The following OTOF variants were observed in gnomAD, a reference collection of about 807,000 sequenced individuals.
OTOF encodes the protein otoferlin.
In OTOF, 218 loss-of-function variants were observed where a neutral mutation model predicts 236.8. The ratio of observed to expected loss-of-function variants is 0.92; its 90% CI spans 0.82 to 1.03. The LOEUF (loss-of-function observed/expected upper bound fraction) is 1.03, where lower values mean the gene tolerates loss of function less well. Among genes scored for constraint, OTOF ranks in the 50% least tolerant of loss-of-function variants. OTOF has a pLI of 0.00. For synonymous variants in OTOF, 1,041 were observed against 1,072.5 expected (o/e 0.97, Z 0.57); for missense variants, 2,590 against 2,694.4 (o/e 0.96, Z 0.86).
Position 26,461,095 on chromosome 2 carries a change from G to GCTGTC in OTOF, c.5534-66_5534-65insGACAG. ...GGGGTGGGGCGGGGTGGGGGTGGGGGTCTGGGCTCCTCGGCCCCTTGTTTG... is the reference window on the plus strand; with the variant it reads ...GGGGTGGGGCGGGGTGGGGGTGGGGGCTGTCTCTGGGCTCCTCGGCCCCTTGTTTG... On this transcript the variant is annotated intron_variant, in intron 43 of 46. Coordinates refer to ENST00000272371, the MANE Select transcript of OTOF (RefSeq NM_194248.3). The surrounding 1 kb of genome is among the most constrained non-coding windows in gnomAD (Gnocchi z 6.2). 13 of 1,045,282 alleles carry GCTGTC rather than the reference G, an allele frequency of 1.2e-5. No individual in the cohort carries two copies. Among genetic ancestry groups the GCTGTC allele is most frequent in the Non-Finnish European group, 1.6e-5 (11 of 697,930 alleles). The allele number at this position is 1,045,282 out of a possible 1,614,324, so 64.8% of individuals were successfully genotyped here.
chr2:26,462,253 G>T lies in OTOF; in HGVS notation c.5193-72C>A, dbSNP rs1209282239. On this transcript the variant is annotated intron_variant, in intron 41 of 46. Coordinates refer to ENST00000272371, the MANE Select transcript of OTOF (RefSeq NM_194248.3). The surrounding 1 kb of genome is among the most constrained non-coding windows in gnomAD (Gnocchi z 4.7). Reference sequence around the variant, plus strand: ...ATGCCAGGGTGCCAGGGCTGGGATGGGGCAGGCGGAGAGAAGCCCTGGGGT... The same window carrying T: ...ATGCCAGGGTGCCAGGGCTGGGATGTGGCAGGCGGAGAGAAGCCCTGGGGT... The T allele has an allele frequency of 3.8e-6, 5 of 1,328,796 alleles. No homozygotes were observed. The highest frequency in any genetic ancestry group is 5.4e-6 in the Non-Finnish European group (5 of 921,496). The allele number at this position is 1,328,796 out of a possible 1,614,324, so 82.3% of individuals were successfully genotyped here. A position where few individuals can be genotyped will look rare whatever the true frequency, so the allele number is the denominator to read the frequency against.
chr2:26,514,942 G>T (rs1278683637), intron 5 of OTOF, among the ~76,000 whole-genome samples: 1 of 152,212 alleles, frequency 6.6e-6, no homozygotes, highest in Non-Finnish European at 1.5e-5. Context: ...CACTGAGTCA[G>T]CATCCCTTCA....
At chr2:26,501,840 G>A (rs758941163) in intron 7 of OTOF, 32 bp from the exon 8 acceptor site, 28 of 1,556,766 alleles carry the variant, frequency 1.8e-5, no homozygotes, top group Non-Finnish European at 2.3e-5. Context: ...CAGGCCTGGG[G>A]TATGGGGACT....
chr2:26,558,643 A>C lies in OTOF; in HGVS notation c.-72T>G, dbSNP rs2148144362. On this transcript the variant is annotated 5_prime_UTR_variant, in exon 1 of 47. Coordinates refer to ENST00000272371, the MANE Select transcript of OTOF (RefSeq NM_194248.3). ...AGCTAGCCGGTGGAGCACGGCTCAC[A>C]CGCCTCTCTCTTCTCTGCCGCTGCC... 2.3e-6 allele frequency: 3 copies of C among 1,294,324 alleles called. No individual in the cohort carries two copies. In the East Asian group the frequency reaches 7.0e-5, roughly 30 times the overall value. 80.2% of individuals were successfully genotyped at this position (1,294,324 alleles called of 1,614,324 possible).
intron 8 of OTOF, among the ~76,000 whole-genome samples, chr2:26,495,820 C>T (rs548967460): frequency 1.6e-4 from 25 of 152,366 alleles, no homozygotes; most frequent in African/African-American, 6.0e-4. Flanking sequence ...CTGCCAAACC[C>T]ATGTCACAGG....
At position 26,502,281 on chromosome 2, in the gene OTOF, A is replaced by G. The variant is rs2148078453; in HGVS notation, c.710+19T>C. ...ACAGGGTGGGGGCAGCTGGGGTTGC[A>G]GGGCTCCCGTCCACTCACCGCTTGT... On this transcript the variant is annotated intron_variant, in intron 7 of 46. Transcript: ENST00000272371. 1 of 1,613,796 alleles carries G rather than the reference A, an allele frequency of 6.2e-7. No homozygotes were observed. Among genetic ancestry groups the G allele is most frequent in the South Asian group, 1.1e-5 (1 of 91,056 alleles).
At chr2:26,555,130 T>C (rs1274751618) in intron 1 of OTOF, among the ~76,000 whole-genome samples, 1 of 151,958 alleles carries the variant, frequency 6.6e-6, no homozygotes, top group Non-Finnish European at 1.5e-5. Context: ...ATCTCAGGAG[T>C]TGATAAAGGA....
intron 3 of OTOF, among the ~76,000 whole-genome samples, chr2:26,520,977 C>T (rs1666663114): frequency 6.6e-6 from 1 of 152,122 alleles, no homozygotes; most frequent in South Asian, 2.1e-4. Context: ...GAGAGGTGCT[C>T]ATCTGTAGCA....
chr2:26,459,552 CAAAAAAA>C (rs58695074), intron 46 of OTOF, among the ~76,000 whole-genome samples: 63 of 69,106 alleles, frequency 9.1e-4, no homozygotes, highest in Middle Eastern at 7.0e-3. Context: ...ACTCTGTCTC[CAAAAAAA>C]AAAAAAAAAA....
intron 5 of OTOF, among the ~76,000 whole-genome samples, chr2:26,510,358 C>T (rs1424416338): frequency 6.6e-6 from 1 of 152,128 alleles, no homozygotes; most frequent in Non-Finnish European, 1.5e-5. Context: ...CTCCCCTTAG[C>T]CTTTAGCTGT....
Position 26,468,468 on chromosome 2 carries a change from G to A in OTOF, c.4030C>T (p.Arg1344Ter), listed in dbSNP as rs1060499805. 2.5e-6 allele frequency: 4 copies of A among 1,613,826 alleles called. No homozygotes were observed. The highest frequency in any genetic ancestry group is 3.4e-6 in the Non-Finnish European group (4 of 1,179,750). ...ASIDTMKEQLRQQEPSGIDLE... is the reference protein window; with the variant it reads ...ASIDTMKEQL ...TCAATTCCAGAGGGCTCTTGTTGTC[G>A]AAGTTGCTGCCAAAAGATGAGATGA... Residue 1344 changes from arginine to a stop codon, truncating the protein, a stop_gained, in exon 33 of 47, where the codon CGA becomes TGA. Coordinates refer to ENST00000272371, the MANE Select transcript of OTOF (RefSeq NM_194248.3). LOFTEE classifies it high-confidence loss of function.
chr2:26,516,645 A>T, intron 4 of OTOF, 46 bp from the exon 5 acceptor site: 1 of 1,582,620 alleles, frequency 6.3e-7, no homozygotes, highest in Non-Finnish European at 8.6e-7. Context: ...GGTGACAGCA[A>T]TCTCCACCCC....
At chr2:26,540,937 A>G (rs1667198717) in intron 1 of OTOF, among the ~76,000 whole-genome samples, 1 of 152,224 alleles carries the variant, frequency 6.6e-6, no homozygotes, top group African/African-American at 2.4e-5. Context: ...CAATCAAGGG[A>G]GGAGAGGGAA....
In OTOF at chr2:26,479,315, C is replaced by T; in HGVS notation, c.2163G>A (p.Gln721=). 1 of 1,612,342 alleles carries T rather than the reference C, an allele frequency of 6.2e-7. No individual in the cohort carries two copies. The highest frequency in any genetic ancestry group is 8.5e-7 in the Non-Finnish European group (1 of 1,179,810). ...TGTTGGCATTGTAGAGGCGGCGGCG[C>T]TGGTCCGGCCACCAGCTCTTGATGT... is the stretch of plus-strand genomic sequence containing the variant. ...CIYIKSWWPD[Q]RRRLYNANIM... The change falls in exon 18 of 47, where the codon CAG becomes CAA. Residue 721 remains glutamine, a synonymous_variant. Transcript: ENST00000272371.
Position 26,476,207 on chromosome 2 carries a change from C to T in OTOF, c.2787G>A (p.Leu929=). The T allele has an allele frequency of 6.2e-7, 1 of 1,610,036 alleles. No homozygotes were observed. The highest frequency in any genetic ancestry group is 8.5e-7 in the Non-Finnish European group (1 of 1,179,832). The stretch of plus-strand genomic sequence containing the variant: ...CCTTGACCTCCTGGAAGCCACAGGG[C>T]AGGCCGCACAGGAACTCCTTGCGCT... ...SKQRKEFLCG[L]PCGFQEVKAA... Residue 929 remains leucine, a synonymous_variant, in exon 23 of 47, where the codon CTG becomes CTA. Transcript: ENST00000272371.
intron 32 of OTOF, among the ~76,000 whole-genome samples, chr2:26,468,945 C>T (rs984962801): frequency 4.6e-5 from 7 of 151,998 alleles, no homozygotes; most frequent in Non-Finnish European, 7.4e-5. Context: ...GAGCAATACC[C>T]ACTGTAAATG....
At position 26,482,517 on chromosome 2, in the gene OTOF, G is replaced by A; in HGVS notation, c.1468C>T (p.Pro490Ser). The change falls in exon 14 of 47, where the codon CCA becomes TCA. Residue 490 changes from proline to serine, a missense_variant. By Grantham distance (74) the Pro-to-Ser change is moderately conservative. Transcript: ENST00000272371. ...EQVVFTDLFP[P>S]LCKRMKVQIR... ...TGCACCTTCATGCGTTTGCAGAGTGGGGGGAAGAGGTCTGTAAAGACGACC... is the reference window on the plus strand; with the variant it reads ...TGCACCTTCATGCGTTTGCAGAGTGAGGGGAAGAGGTCTGTAAAGACGACC... The A allele has an allele frequency of 6.2e-7, 1 of 1,613,366 alleles. No individual in the cohort carries two copies. The highest frequency in any genetic ancestry group is 8.5e-7 in the Non-Finnish European group (1 of 1,179,982).
chr2:26,459,092 T>C lies in OTOF; in HGVS notation c.*18-872A>G, dbSNP rs1051695642. ...TTGGGTGTTCAGGCCATGGTGGCTATGAAATGTTTGAGTTGAATGGAATTA... is the reference window on the plus strand; with the variant it reads ...TTGGGTGTTCAGGCCATGGTGGCTACGAAATGTTTGAGTTGAATGGAATTA... On this transcript the variant is annotated intron_variant, in intron 46 of 46. Transcript: ENST00000272371. Among the ~76,000 whole-genome samples the C allele has an allele frequency of 2.8e-4, 42 of 152,292 alleles. 1 individual carries two copies. Among genetic ancestry groups the C allele is most frequent in the African/African-American group, 9.6e-4 (40 of 41,544 alleles).
intron 4 of OTOF, among the ~76,000 whole-genome samples, chr2:26,518,650 C>T (rs2148101798): frequency 6.6e-6 from 1 of 152,374 alleles, no homozygotes; most frequent in South Asian, 2.1e-4. Context: ...GCCAGATGTG[C>T]AGAGTGAAGG....
Sources: allele counts gnomAD v4.1 joint callset (sites outside exome capture counted in the v4.1 genomes callset), GRCh38; gene constraint gnomAD v4.1.1; non-coding constraint Gnocchi (gnomAD v3.1); transcripts MANE v1.5; gene names NCBI Gene and HGNC (gene_info 2026-07-23, HGNC 2026-07-21).